RTTN: variants seen among roughly 807,000 people sequenced by gnomAD.
RTTN encodes rotatin.
Under a neutral mutation model 269.2 loss-of-function variants are expected in RTTN, and 182 were observed. That is an observed-to-expected ratio of 0.68 (90% CI 0.60 to 0.76). The LOEUF (loss-of-function observed/expected upper bound fraction) is 0.76, where lower values mean the gene tolerates loss of function less well. RTTN is among the 30% of genes least tolerant of loss of function. The pLI is 0.00. For synonymous variants in RTTN, 1,006 were observed against 963.5 expected, an observed-to-expected ratio of 1.04 and a Z score of -0.82; for missense variants, 2,545 against 2,608.6, an observed-to-expected ratio of 0.98 and a Z score of 0.53.
intron 38 of RTTN, 88 bp downstream of exon 38, chr18:70,054,043 T>C (rs941727774): frequency 8.8e-7 from 1 of 1,138,046 alleles, no homozygotes; most frequent in African/African-American, 1.6e-5. Flanking sequence ...ACTCAAAAAG[T>C]AACCTTCAAG....
At chr18:70,032,567 A>G (rs1425180489) in intron 40 of RTTN, among the ~76,000 whole-genome samples, 2 of 152,252 alleles carry the variant, frequency 1.3e-5, no homozygotes, top group Non-Finnish European at 2.9e-5. Context: ...ACCAACAAAG[A>G]TAAAAAAGAC....
chr18:70,197,858 C>T, intron 5 of RTTN, 120 bp from the exon 6 acceptor site: 1 of 652,084 alleles, frequency 1.5e-6, no homozygotes, highest in Non-Finnish European at 2.7e-6. Context: ...TATCACTTCT[C>T]CAGAAAAGCC....
Position 70,100,062 on chromosome 18 carries a change from G to A in RTTN, c.3904-7258C>T, listed in dbSNP as rs551052483. Among the ~76,000 whole-genome samples the A allele has an allele frequency of 9.3e-4, 141 of 152,340 alleles. 2 individuals are homozygous for A. The highest frequency in any genetic ancestry group is 3.4e-3 in the Middle Eastern group (1 of 294). On this transcript the variant is annotated intron_variant, in intron 28 of 48. Coordinates refer to ENST00000640769, the MANE Select transcript of RTTN (RefSeq NM_173630.4). ...GGCTTAGGATTGTCTTGGCAATGCA[G>A]GCTCTTTTTTATTTCCATTTGAACT... is the stretch of plus-strand genomic sequence containing the variant.
chr18:70,077,534 T>C (rs1178480350), intron 32 of RTTN, among the ~76,000 whole-genome samples: 1 of 152,092 alleles, frequency 6.6e-6, no homozygotes, highest in East Asian at 1.9e-4. Context: ...TTAAGTATTT[T>C]AGAAGTGAGA....
intron 40 of RTTN, among the ~76,000 whole-genome samples, chr18:70,039,096 A>G (rs1469703753): frequency 6.6e-6 from 1 of 152,174 alleles, no homozygotes; most frequent in South Asian, 2.1e-4. Context: ...AACCTAAAAA[A>G]TAGCCTCGAA....
At chr18:70,201,351 C>T (rs1205706475) in intron 4 of RTTN, among the ~76,000 whole-genome samples, 2 of 152,118 alleles carry the variant, frequency 1.3e-5, no homozygotes, top group East Asian at 3.9e-4. Flanking sequence ...GCCTGTAATC[C>T]CAGCACTTTG....
intron 21 of RTTN, among the ~76,000 whole-genome samples, chr18:70,136,308 G>A (rs1267108525): frequency 1.3e-5 from 2 of 151,964 alleles, no homozygotes; most frequent in Admixed American, 6.6e-5. Context: ...TTTCAATCTG[G>A]AACTAGAGAA....
chr18:70,067,653 G>A (rs2058179396), intron 34 of RTTN, among the ~76,000 whole-genome samples: 1 of 152,170 alleles, frequency 6.6e-6, no homozygotes, highest in Non-Finnish European at 1.5e-5. Flanking sequence ...GGTTGTATAA[G>A]AAAAGTTAAG....
chr18:70,202,878 ATTG>A (rs1345433117), intron 3 of RTTN, among the ~76,000 whole-genome samples: 2 of 152,142 alleles, frequency 1.3e-5, no homozygotes, highest in South Asian at 2.1e-4. Flanking sequence ...GACAGCTGCT[ATTG>A]TTGTTGTGAA....
chr18:70,069,635 A>G (rs569457244), intron 34 of RTTN, among the ~76,000 whole-genome samples: 79 of 152,356 alleles, frequency 5.2e-4, no homozygotes, highest in African/African-American at 1.8e-3. Context: ...TCTGCCTTAC[A>G]GAAGCAAGTG....
intron 40 of RTTN, among the ~76,000 whole-genome samples, chr18:70,044,969 G>T (rs2057453013): frequency 6.6e-6 from 1 of 152,142 alleles, no homozygotes; most frequent in African/African-American, 2.4e-5. Flanking sequence ...ACAGATAAGA[G>T]GAGACTACTG....
chr18:70,120,291 C>T (rs1210814033), intron 26 of RTTN, among the ~76,000 whole-genome samples: 2 of 151,990 alleles, frequency 1.3e-5, no homozygotes, highest in Non-Finnish European at 2.9e-5. Flanking sequence ...TTCCTGCACC[C>T]CATAACTGTA....
intron 26 of RTTN, among the ~76,000 whole-genome samples, chr18:70,119,552 C>T (rs548518278): frequency 4.6e-5 from 7 of 151,842 alleles, no homozygotes; most frequent in Admixed American, 3.3e-4. Context: ...CCAATTGTGG[C>T]GGAGAACCAG....
At chr18:70,182,544 CA>C in intron 10 of RTTN, among the ~76,000 whole-genome samples, 1 of 152,158 alleles carries the variant, frequency 6.6e-6, no homozygotes, top group Non-Finnish European at 1.5e-5. Context: ...GAAGACCAGA[CA>C]TTAGGAATTC....
intron 26 of RTTN, among the ~76,000 whole-genome samples, chr18:70,120,359 C>A (rs1443103621): frequency 2.0e-5 from 3 of 152,052 alleles, no homozygotes; most frequent in African/African-American, 7.2e-5. Context: ...TTAAAAACAA[C>A]AGAAAACAGC....
At chr18:70,039,484 G>A (rs944413362) in intron 40 of RTTN, among the ~76,000 whole-genome samples, 6 of 151,612 alleles carry the variant, frequency 4.0e-5, no homozygotes, top group Admixed American at 2.0e-4. Context: ...CAAGTATGAA[G>A]AGAAATAAAA....
intron 11 of RTTN, 41 bp downstream of exon 11, chr18:70,176,634 A>G (rs1295781819): frequency 6.5e-7 from 1 of 1,547,544 alleles, no homozygotes; most frequent in African/African-American, 1.4e-5. Flanking sequence ...TTTATTTATA[A>G]TAGTCTGTAA....
intron 36 of RTTN, among the ~76,000 whole-genome samples, chr18:70,058,551 G>A (rs998706422): frequency 7.9e-5 from 12 of 152,084 alleles, no homozygotes; most frequent in Non-Finnish European, 1.8e-4. Context: ...TAAAAATAAA[G>A]TAAAACAAGT....
At chr18:70,010,264 C>T (rs1217020992) in intron 46 of RTTN, among the ~76,000 whole-genome samples, 6 of 152,290 alleles carry the variant, frequency 3.9e-5, no homozygotes, top group African/African-American at 1.4e-4. Flanking sequence ...AACACTCCAC[C>T]CCAAATCAAC....
Sources: allele counts gnomAD v4.1 joint callset (sites outside exome capture counted in the v4.1 genomes callset), GRCh38; gene constraint gnomAD v4.1.1; transcripts MANE v1.5; gene names NCBI Gene and HGNC (gene_info 2026-07-23, HGNC 2026-07-21).